The following PCDHA7 variants were observed in gnomAD, a reference collection of about 807,000 sequenced individuals.
PCDHA7 encodes the protein protocadherin alpha-7.
A neutral mutation model predicts 57.2 loss-of-function variants in PCDHA7; 37 were observed. That is an observed-to-expected ratio of 0.65 (90% CI 0.50 to 0.85). The LOEUF (loss-of-function observed/expected upper bound fraction) is 0.85, where lower values mean the gene tolerates loss of function less well. Ranked by LOEUF, PCDHA7 falls within the 40% of genes least tolerant of loss-of-function variation. PCDHA7 has a pLI of 0.00. For synonymous variants in PCDHA7, 553 were observed against 558.8 expected (o/e 0.99, Z 0.15); for missense variants, 1,188 against 1,241.8 (o/e 0.96, Z 0.65).
At chr5:140,965,143 G>A (rs1451263269) in intron 1 of PCDHA7, among the ~76,000 whole-genome samples, 1 of 152,230 alleles carries the variant, frequency 6.6e-6, no homozygotes, top group Admixed American at 6.5e-5. Context: ...AGAATACTGG[G>A]AGATGAAGAG....
chr5:140,875,378 T>C (rs758524366), intron 1 of PCDHA7: 85 of 1,458,484 alleles, frequency 5.8e-5, no homozygotes, highest in Non-Finnish European at 7.4e-5. Context: ...TTACTAAATA[T>C]GTACTTACAG....
intron 1 of PCDHA7, chr5:140,855,996 A>G (rs2150345731): frequency 6.7e-7 from 1 of 1,503,004 alleles, no homozygotes; most frequent in Non-Finnish European, 9.0e-7. Flanking sequence ...GTCAGATCGT[A>G]TGTGCGTTCT....
At chr5:140,941,202 C>CTTTTCTTTCTTCCTTTCTTT (rs1554213921) in intron 1 of PCDHA7, among the ~76,000 whole-genome samples, 1 of 122,742 alleles carries the variant, frequency 8.1e-6, no homozygotes, top group Non-Finnish European at 1.8e-5. Flanking sequence ...TTTCTTTCTT[C>CTTTTCTTTCTTCCTTTCTTT]CTTTCTTTCT....
rs79233681 is a variant in PCDHA7 at position 140,965,822 on chromosome 5, A to T, written c.2356-13127A>T. Among the ~76,000 whole-genome samples the T allele has an allele frequency of 5.2e-3, 789 of 152,324 alleles. 9 individuals are homozygous for T. The highest frequency in any genetic ancestry group is 0.018 in the African/African-American group (747 of 41,576). On this transcript the variant is annotated intron_variant, in intron 1 of 3. Coordinates refer to ENST00000525929, the MANE Select transcript of PCDHA7 (RefSeq NM_018910.3). The stretch of plus-strand genomic sequence containing the variant: ...TTTTTTTAAACAGAGCATTTTAAAC[A>T]TTTAAATATTGGTTATTTGCCAAGG...
chr5:140,980,873 T>C (rs1586863406), intron 2 of PCDHA7, among the ~76,000 whole-genome samples: 1 of 152,338 alleles, frequency 6.6e-6, no homozygotes, highest in East Asian at 1.9e-4. Context: ...TGCTTGGGTG[T>C]TCTCGGTCTT....
chr5:140,869,650 C>A, intron 1 of PCDHA7: 1 of 1,613,504 alleles, frequency 6.2e-7, no homozygotes, highest in African/African-American at 1.3e-5. Flanking sequence ...TTTAGATTCA[C>A]CAACAAATGG....
At chr5:140,978,904 A>G (rs2096828000) in intron 1 of PCDHA7, 45 bp from the exon 2 acceptor site, 2 of 1,613,322 alleles carry the variant, frequency 1.2e-6, no homozygotes, top group Non-Finnish European at 8.5e-7. Flanking sequence ...CTGGGAGAAC[A>G]TTGTCTTGTC....
intron 1 of PCDHA7, chr5:140,862,937 A>G: frequency 1.8e-6 from 1 of 544,138 alleles, no homozygotes; most frequent in Non-Finnish European, 3.6e-6. Flanking sequence ...CGGCGCTGTG[A>G]GTGAGCTGGT....
intron 1 of PCDHA7, chr5:140,843,282 A>G: frequency 1.3e-6 from 2 of 1,596,026 alleles, no homozygotes; most frequent in South Asian, 1.1e-5. Context: ...GTGAAGGATC[A>G]TGGTGAACCT....
chr5:140,897,227 C>T (rs1554187259), intron 1 of PCDHA7, among the ~76,000 whole-genome samples: 1 of 152,036 alleles, frequency 6.6e-6, no homozygotes, highest in Non-Finnish European at 1.5e-5. Flanking sequence ...TACATGTGCA[C>T]AATGTGCAGG....
chr5:140,879,101 A>G (rs2153365508), intron 1 of PCDHA7, among the ~76,000 whole-genome samples: 1 of 152,330 alleles, frequency 6.6e-6, no homozygotes, highest in East Asian at 1.9e-4. Context: ...TGCACAGTAT[A>G]TGGTGTAATT....
At chr5:140,947,147 C>A (rs1025959771) in intron 1 of PCDHA7, among the ~76,000 whole-genome samples, 1 of 151,270 alleles carries the variant, frequency 6.6e-6, no homozygotes, top group African/African-American at 2.4e-5. Flanking sequence ...TGTATAGTTA[C>A]TTCCACGGGG....
At chr5:140,893,182 AT>A (rs782024176) in intron 1 of PCDHA7, among the ~76,000 whole-genome samples, 5 of 152,238 alleles carry the variant, frequency 3.3e-5, no homozygotes, top group Non-Finnish European at 5.9e-5. Context: ...CATAGTAGCT[AT>A]TGTGAATAGT....
chr5:140,933,704 T>C (rs1436562602), intron 1 of PCDHA7, among the ~76,000 whole-genome samples: 1 of 152,084 alleles, frequency 6.6e-6, no homozygotes, highest in African/African-American at 2.4e-5. Flanking sequence ...CGGACACATT[T>C]ACTGAGATTG....
At chr5:140,914,921 T>C (rs895344325) in intron 1 of PCDHA7, among the ~76,000 whole-genome samples, 1 of 151,508 alleles carries the variant, frequency 6.6e-6, no homozygotes, top group Non-Finnish European at 1.5e-5. Context: ...TGTGTCTTAT[T>C]GTACTATGTT....
intron 1 of PCDHA7, among the ~76,000 whole-genome samples, chr5:140,873,027 A>C (rs2054049034): frequency 6.6e-6 from 1 of 152,184 alleles, no homozygotes; most frequent in South Asian, 2.1e-4. Flanking sequence ...TATTCTTACT[A>C]CACGTAGAGT....
At chr5:140,936,519 G>A (rs77875081) in intron 1 of PCDHA7, among the ~76,000 whole-genome samples, 2,263 of 152,276 alleles carry the variant, frequency 0.015, 25 homozygotes, top group Non-Finnish European at 0.022. Context: ...TAAATTACCT[G>A]AAATTGCTTT....
intron 1 of PCDHA7, among the ~76,000 whole-genome samples, chr5:140,890,900 A>G (rs1554184581): frequency 6.6e-6 from 1 of 151,984 alleles, no homozygotes; most frequent in Admixed American, 6.6e-5. Flanking sequence ...TTGTCTTTCC[A>G]TGTTAGAATA....
At chr5:140,838,415 C>T (rs950312767) in intron 1 of PCDHA7, among the ~76,000 whole-genome samples, 1 of 151,548 alleles carries the variant, frequency 6.6e-6, no homozygotes, top group African/African-American at 2.4e-5. Flanking sequence ...TGAGCCACCG[C>T]ATCCGGCCTA....
Sources: gnomAD v4.1 joint callset for allele counts (sites outside exome capture counted in the v4.1 genomes callset) on GRCh38, gnomAD v4.1.1 for gene constraint, MANE v1.5 for transcripts, NCBI Gene and HGNC (gene_info 2026-07-23, HGNC 2026-07-21) for gene names.